Variants in TSPEAR observed in about 807,000 individuals in gnomAD.
The protein encoded by TSPEAR is thrombospondin-type laminin G domain and EAR repeat-containing protein.
Under a neutral mutation model 71.6 loss-of-function variants are expected in TSPEAR, and 69 were observed. That is an observed-to-expected ratio of 0.96 (90% confidence interval 0.79 to 1.18). The LOEUF is 1.18. Among genes scored for constraint, TSPEAR ranks in the 50% most tolerant of loss-of-function variants. The pLI, the probability that TSPEAR is intolerant of heterozygous loss-of-function variation, is 0.00. For synonymous variants in TSPEAR, 402 were observed against 387.2 expected (o/e 1.04, Z -0.45); for missense variants, 971 against 894.9 (o/e 1.09, Z -1.09).
chr21:44,709,244 C>T (rs889862303), intron 1 of TSPEAR, among the ~76,000 whole-genome samples: 2 of 152,222 alleles, frequency 1.3e-5, no homozygotes, highest in Admixed American at 6.5e-5. Flanking sequence ...GAGCCTAGGG[C>T]GCAGCCCACT....
chr21:44,657,803 G>A, intron 1 of TSPEAR: 2 of 635,586 alleles, frequency 3.1e-6, no homozygotes, highest in Non-Finnish European at 5.5e-6. Flanking sequence ...CATGACGCGG[G>A]AAAGTACACG....
intron 11 of TSPEAR, among the ~76,000 whole-genome samples, chr21:44,502,876 AGGCCGGCCTCGGTG>A: frequency 7.0e-6 from 1 of 143,768 alleles, no homozygotes; most frequent in Non-Finnish European, 1.5e-5. Flanking sequence ...CTCTGGGAGG[AGGCCGGCCTCGGTG>A]AGCCCTCGGG....
At position 44,551,452 on chromosome 21, in the gene TSPEAR, C is replaced by T. The variant is rs28584336; in HGVS notation, c.303+16333G>A. ...CTGGAGCAGATGGACATGGTGGAGG[C>T]GGCCATGCTGGAGTGGGGAGGAGGT... On this transcript the variant is annotated intron_variant, in intron 2 of 11. Coordinates refer to ENST00000323084, the MANE Select transcript of TSPEAR (RefSeq NM_144991.3). 5.8e-3 allele frequency: 9,282 copies of T among 1,608,700 alleles called. 440 individuals carry two copies. The African/African-American group carries it at 0.11, about 18-fold the overall frequency.
At chr21:44,705,123 T>A (rs1196048743) in intron 1 of TSPEAR, among the ~76,000 whole-genome samples, 2 of 152,226 alleles carry the variant, frequency 1.3e-5, no homozygotes, top group African/African-American at 4.8e-5. Flanking sequence ...TTCCCCAAAT[T>A]AATACTTTTG....
chr21:44,532,201 G>A (rs1347187660), intron 3 of TSPEAR, among the ~76,000 whole-genome samples: 4 of 152,222 alleles, frequency 2.6e-5, no homozygotes, highest in African/African-American at 9.6e-5. Context: ...TCTTCCCCAG[G>A]AAGTCCACTT....
At position 44,615,870 on chromosome 21, in the gene TSPEAR, ACCAGACCC is replaced by A. The variant is rs1982058478; in HGVS notation, c.83-47873_83-47866del. 5.3e-5 allele frequency among the ~76,000 whole-genome samples: 8 copies of A among 152,186 alleles called. 1 individual carries two copies. In the South Asian group the frequency reaches 1.7e-3, roughly 32 times the overall value. ...TTTAACCCAGGAGCGTCCTCCCGGGACCAGACCCTGAGCATTCTGGACACTGCTGGGAG... is the reference window on the plus strand; with the variant it reads ...TTTAACCCAGGAGCGTCCTCCCGGGATGAGCATTCTGGACACTGCTGGGAG... On this transcript the variant is annotated intron_variant, in intron 1 of 11. Transcript: ENST00000323084.
rs1247585971 is a variant in TSPEAR at position 44,592,441 on chromosome 21, T to C, written c.83-24436A>G. On this transcript the variant is annotated intron_variant, in intron 1 of 11. Coordinates refer to ENST00000323084, the MANE Select transcript of TSPEAR (RefSeq NM_144991.3). ...ACCAGGAAGGCAGACGCGGCTGCCGTAGCTCAGGTCGCTGGAGCAGACGGA... is the reference window on the plus strand; with the variant it reads ...ACCAGGAAGGCAGACGCGGCTGCCGCAGCTCAGGTCGCTGGAGCAGACGGA... 5 of 1,611,076 alleles carry C rather than the reference T, an allele frequency of 3.1e-6. No homozygotes were observed. In the African/African-American group the frequency reaches 4.0e-5, roughly 13 times the overall value.
chr21:44,515,895 GA>G (rs2052551399), intron 9 of TSPEAR: 1 of 152,400 alleles, frequency 6.6e-6, no homozygotes, highest in Admixed American at 6.5e-5. Context: ...GAAGGGCTGA[GA>G]CCCCACCATG....
intron 1 of TSPEAR, chr21:44,677,541 C>G (rs587609988): frequency 9.5e-6 from 8 of 844,452 alleles, no homozygotes; most frequent in Non-Finnish European, 1.6e-5. Flanking sequence ...TGGTCGTTCC[C>G]TTATAGAAGA....
chr21:44,647,433 C>G (rs1201185202), intron 1 of TSPEAR: 2 of 1,505,500 alleles, frequency 1.3e-6, no homozygotes, highest in Admixed American at 2.0e-5. Context: ...CCCTGGAGTC[C>G]TCAGAATCCA....
intron 1 of TSPEAR, among the ~76,000 whole-genome samples, chr21:44,605,821 C>T (rs782331642): frequency 4.6e-5 from 7 of 152,236 alleles, no homozygotes; most frequent in African/African-American, 9.6e-5. Flanking sequence ...TGGAAGACCT[C>T]GGCATAAGAC....
intron 1 of TSPEAR, chr21:44,637,928 C>T: frequency 6.2e-7 from 1 of 1,613,038 alleles, no homozygotes; most frequent in East Asian, 2.2e-5. Context: ...ATGCTGCCAG[C>T]AGTCTAGCTG....
intron 2 of TSPEAR, chr21:44,558,258 C>G: frequency 6.2e-7 from 1 of 1,614,006 alleles, no homozygotes; most frequent in South Asian, 1.1e-5. Flanking sequence ...GGAGGAGGGT[C>G]TGCAGCAGGA....
rs1555916055 is a variant in TSPEAR at position 44,533,880 on chromosome 21, A to T, written c.347T>A (p.Leu116Gln). 6.2e-7 allele frequency: 1 copy of T among 1,610,340 alleles called. No homozygotes were observed. Among genetic ancestry groups the T allele is most frequent in the South Asian group, 1.1e-5 (1 of 90,950 alleles). Residue 116 changes from leucine (L) to glutamine (Q), a missense_variant, in exon 3 of 12, where the codon CTG becomes CAG. Coordinates refer to ENST00000323084, the MANE Select transcript of TSPEAR (RefSeq NM_144991.3). Reference protein sequence around the residue: ...LLTVVAEESDLLLLGLRLSPA... With the variant: ...LLTVVAEESDQLLLGLRLSPA... Reference sequence around the variant, plus strand: ...TGACAACCGCAGGCCGAGCAGCAGCAGGTCGCTCTCCTCTGCCACCACCGT... The same window carrying T: ...TGACAACCGCAGGCCGAGCAGCAGCTGGTCGCTCTCCTCTGCCACCACCGT...
chr21:44,617,474 C>T (rs759000802), intron 1 of TSPEAR, among the ~76,000 whole-genome samples: 3 of 152,208 alleles, frequency 2.0e-5, no homozygotes, highest in Non-Finnish European at 2.9e-5. Flanking sequence ...CACATGCAGA[C>T]CAGAGGGTGA....
At position 44,530,046 on chromosome 21, in the gene TSPEAR, G is replaced by A. The variant is rs917821572; in HGVS notation, c.634-92C>T. On this transcript the variant is annotated intron_variant, in intron 4 of 11. Coordinates refer to ENST00000323084, the MANE Select transcript of TSPEAR (RefSeq NM_144991.3). ...ACTGAGCTTGGCCCATCCAGAGCCC[G>A]GAGGAGGCTCGGGTGGATGGAATCT... is the stretch of plus-strand genomic sequence containing the variant. The A allele has an allele frequency of 3.0e-5, 40 of 1,336,204 alleles. No homozygotes were observed. In the Admixed American group the frequency reaches 3.7e-4, roughly 12 times the overall value. 82.8% of individuals were successfully genotyped at this position (1,336,204 alleles called of 1,614,324 possible).
At chr21:44,572,420 C>A (rs233283) in intron 1 of TSPEAR, among the ~76,000 whole-genome samples, 2 of 151,814 alleles carry the variant, frequency 1.3e-5, no homozygotes, top group African/African-American at 2.4e-5. Flanking sequence ...CGATGTGAAC[C>A]CCGCTTTTCA....
Position 44,642,714 on chromosome 21 carries a change from C to T in TSPEAR, c.82+68719G>A, listed in dbSNP as rs868939023. ...AAAATTGGCCAGGTGTGGTGGCAGG[C>T]GCCTGTAGTCCCAGCTACCTGGGAG... On this transcript the variant is annotated intron_variant, in intron 1 of 11. Transcript: ENST00000323084. The surrounding 1 kb of genome is among the most constrained non-coding windows in gnomAD (Gnocchi z 4.1). 1.3e-4 allele frequency among the ~76,000 whole-genome samples: 20 copies of T among 151,968 alleles called. No individual in the cohort carries two copies. In the East Asian group the frequency reaches 1.7e-3, roughly 13 times the overall value.
chr21:44,518,480 A>G lies in TSPEAR; in HGVS notation c.1566+3403T>C, dbSNP rs9980539. On this transcript the variant is annotated intron_variant, in intron 9 of 11. Coordinates refer to ENST00000323084, the MANE Select transcript of TSPEAR (RefSeq NM_144991.3). ...GATAATCTCCAAAACGCACTCCCCA[A>G]CCCACTGCAGGGATCCTTTCTCTTG... The G allele has an allele frequency of 1.1e-3, 438 of 387,618 alleles. 1 individual carries two copies. Among genetic ancestry groups the G allele is most frequent in the African/African-American group, 8.8e-3 (418 of 47,470 alleles). The allele number at this position is 387,618 out of a possible 1,614,324, so 24.0% of individuals were successfully genotyped here.
Sources: gnomAD v4.1 joint callset for allele counts (sites outside exome capture counted in the v4.1 genomes callset) on GRCh38, gnomAD v4.1.1 for gene constraint, Gnocchi (gnomAD v3.1) non-coding constraint, MANE v1.5 for transcripts, NCBI Gene and HGNC (gene_info 2026-07-23, HGNC 2026-07-21) for gene names.